The following ZNF133 variants were observed in gnomAD, a reference collection of about 807,000 sequenced individuals.
ZNF133 encodes the protein zinc finger protein 133 (clone pHZ-13).
Under a neutral mutation model 54.9 loss-of-function variants are expected in ZNF133, and 26 were observed. That is an observed-to-expected ratio of 0.47 (90% CI 0.35 to 0.66). The LOEUF (loss-of-function observed/expected upper bound fraction) is 0.66. Ranked by LOEUF, ZNF133 falls within the 30% of genes least tolerant of loss-of-function variation. ZNF133 has a pLI of 0.01. For synonymous variants in ZNF133, 298 were observed against 320.3 expected, an observed-to-expected ratio of 0.93 and a Z score of 0.74; for missense variants, 653 against 820.8, an observed-to-expected ratio of 0.80 and a Z score of 2.50.
chr20:18,314,785 A>T, intron 6 of ZNF133: 1 of 330,634 alleles, frequency 3.0e-6, no homozygotes, highest in Non-Finnish European at 5.5e-6. Flanking sequence ...ATTGTATTGA[A>T]GGTGAGGGGG....
rs1168886192 is a variant in ZNF133, at chr20:18,288,564, A to G, written c.-472A>G. On this transcript the variant is annotated 5_prime_UTR_variant, in exon 1 of 7. Transcript: ENST00000425686. ...TGGCGCCCCGCTGGAGGAGCTCCCC[A>G]GCTGGTGGCTGGAGCGACCCCTTGT... 1.5e-5 allele frequency: 6 copies of G among 398,536 alleles called. No individual in the cohort carries two copies. The highest frequency in any genetic ancestry group is 2.7e-5 in the Non-Finnish European group (6 of 226,110). 24.7% of individuals were successfully genotyped at this position (398,536 alleles called of 1,614,324 possible).
chr20:18,306,241 C>A, intron 5 of ZNF133, 57 bp from the exon 6 acceptor site: 2 of 1,528,792 alleles, frequency 1.3e-6, no homozygotes, highest in South Asian at 1.2e-5. Context: ...GCTTTGAATT[C>A]TTGAATGGGC....
At chr20:18,311,205 C>T (rs1027267001) in intron 6 of ZNF133, among the ~76,000 whole-genome samples, 1 of 152,064 alleles carries the variant, frequency 6.6e-6, no homozygotes, top group African/African-American at 2.4e-5. Context: ...CCTGTAGTCC[C>T]AGCTACTTAG....
At chr20:18,292,758 G>A (rs1433416984) in intron 1 of ZNF133, among the ~76,000 whole-genome samples, 1 of 152,136 alleles carries the variant, frequency 6.6e-6, no homozygotes, top group African/African-American at 2.4e-5. Context: ...GTTCACTTCT[G>A]TATCCCCAGG....
intron 1 of ZNF133, chr20:18,290,122 T>G (rs1359813566): frequency 6.6e-6 from 1 of 152,306 alleles, no homozygotes; most frequent in African/African-American, 2.4e-5. Flanking sequence ...TGGGTTTCTT[T>G]TGCTCAGCTT....
At chr20:18,306,058 T>A (rs1315964870) in intron 5 of ZNF133, among the ~76,000 whole-genome samples, 1 of 152,174 alleles carries the variant, frequency 6.6e-6, no homozygotes, top group Non-Finnish European at 1.5e-5. Context: ...GGGGTTCTCA[T>A]CCTATGTTAA....
intron 1 of ZNF133, among the ~76,000 whole-genome samples, chr20:18,297,601 T>C (rs1247359665): frequency 6.6e-6 from 1 of 152,066 alleles, no homozygotes; most frequent in African/African-American, 2.4e-5. Flanking sequence ...AGACTACAAC[T>C]GTTTGCGTGT....
intron 3 of ZNF133, among the ~76,000 whole-genome samples, chr20:18,304,310 G>A (rs926376010): frequency 2.6e-5 from 4 of 152,182 alleles, no homozygotes; most frequent in Admixed American, 2.0e-4. Context: ...TGTGCATTGC[G>A]GGTGGGAATG....
chr20:18,290,954 C>A (rs2040838329), intron 1 of ZNF133, among the ~76,000 whole-genome samples: 1 of 152,134 alleles, frequency 6.6e-6, no homozygotes, highest in African/African-American at 2.4e-5. Flanking sequence ...TGGTGAAACC[C>A]CATCTCTACT....
chr20:18,299,842 C>G (rs2043011535), intron 3 of ZNF133, among the ~76,000 whole-genome samples: 1 of 152,164 alleles, frequency 6.6e-6, no homozygotes, highest in Non-Finnish European at 1.5e-5. Flanking sequence ...ATCAAAAATT[C>G]TGTATCTGGC....
intron 3 of ZNF133, among the ~76,000 whole-genome samples, chr20:18,299,085 T>A (rs1279227580): frequency 6.6e-6 from 1 of 151,884 alleles, no homozygotes; most frequent in East Asian, 1.9e-4. Flanking sequence ...ATATGACCCA[T>A]TCAAAGGGGA....
Position 18,315,130 on chromosome 20 carries a change from A to G in ZNF133, c.279A>G (p.Lys93=), listed in dbSNP as rs2047163839. 1 of 1,581,948 alleles carries G rather than the reference A, an allele frequency of 6.3e-7. No homozygotes were observed. Residue 93 remains lysine (K), a synonymous_variant, in exon 7 of 7, where the codon AAA becomes AAG. Transcript: ENST00000425686. ...PFCPPGFSSQ[K]FPMQHVLCNH... ...GCCCTCCGGGTTTCTCCAGTCAGAA[A>G]TTCCCCATGCAGCATGTGCTGTGTA...
At chr20:18,291,842 A>G (rs952820921) in intron 1 of ZNF133, among the ~76,000 whole-genome samples, 2 of 151,952 alleles carry the variant, frequency 1.3e-5, no homozygotes, top group Non-Finnish European at 2.9e-5. Context: ...CCTCCTGAGT[A>G]TCTGGTCTAC....
intron 6 of ZNF133, among the ~76,000 whole-genome samples, chr20:18,307,071 C>T (rs1451432593): frequency 6.6e-6 from 1 of 152,060 alleles, no homozygotes; most frequent in African/African-American, 2.4e-5. Context: ...TCCCAACATC[C>T]TTTGTACTAT....
chr20:18,315,587 G>C lies in ZNF133; in HGVS notation c.736G>C (p.Val246Leu). 1.9e-6 allele frequency: 3 copies of C among 1,614,100 alleles called. No homozygotes were observed. The highest frequency in any genetic ancestry group is 2.5e-6 in the Non-Finnish European group (3 of 1,179,976). The change falls in exon 7 of 7, where the codon GTA (valine) becomes CTA (leucine). Residue 246 changes from valine (V) to leucine (L), a missense_variant. This residue lies in a region of ZNF133 where 292 missense variants were observed against 431.6 expected (regional missense o/e 0.68). Transcript: ENST00000425686. ...AGGGGAGAAGCCCTACGTGTGTGGG[G>C]TATGTGAGAAGGGCTTCAGCCTAAA... ...HSGEKPYVCGVCEKGFSLKKS... is the reference protein window; with the variant it reads ...HSGEKPYVCGLCEKGFSLKKS...
chr20:18,313,685 C>G (rs2046653830), intron 6 of ZNF133: 1 of 152,168 alleles, frequency 6.6e-6, no homozygotes, highest in East Asian at 1.9e-4. Context: ...AAGTTGCTGG[C>G]CAGAAATAGA....
chr20:18,296,167 T>G (rs2042196031), intron 1 of ZNF133, among the ~76,000 whole-genome samples: 1 of 152,196 alleles, frequency 6.6e-6, no homozygotes, highest in Non-Finnish European at 1.5e-5. Flanking sequence ...CTCCTCTTTC[T>G]TCTCCCCCTT....
Position 18,315,631 on chromosome 20 carries a change from C to T in ZNF133, c.780C>T (p.His260=). Residue 260 remains histidine (H), a synonymous_variant, in exon 7 of 7, where the codon CAC becomes CAT. Coordinates refer to ENST00000425686, the MANE Select transcript of ZNF133 (RefSeq NM_001352452.2). The part of the protein sequence containing the change: ...GFSLKKSLAR[H]QKAHSGEKPI... The stretch of plus-strand genomic sequence containing the variant: ...GCCTAAAGAAGAGCCTCGCCAGACA[C>T]CAGAAGGCACACTCGGGGGAGAAGC... The T allele has an allele frequency of 6.2e-7, 1 of 1,614,020 alleles. No individual in the cohort carries two copies.
chr20:18,313,829 T>C (rs2046696158), intron 6 of ZNF133: 1 of 152,368 alleles, frequency 6.6e-6, no homozygotes, highest in South Asian at 2.1e-4. Flanking sequence ...GCACCTGTCC[T>C]GAATACAAGG....
Sources: gnomAD v4.1 joint callset for allele counts (sites outside exome capture counted in the v4.1 genomes callset) on GRCh38, gnomAD v4.1.1 for gene constraint, gnomAD v4.1.1 regional missense constraint, MANE v1.5 for transcripts, NCBI Gene and HGNC (gene_info 2026-07-23, HGNC 2026-07-21) for gene names.